Variants in HS2ST1 observed in about 807,000 individuals in gnomAD.
The protein encoded by HS2ST1 is 2-O-sulfotransferase.
In HS2ST1, 18 loss-of-function variants were observed where a neutral mutation model predicts 42.9. The observed-to-expected ratio is 0.42, with a 90% CI of 0.29 to 0.62. The LOEUF is 0.62. Among genes scored for constraint, HS2ST1 ranks in the 20% least tolerant of loss-of-function variants. HS2ST1 has a pLI of 0.21. For synonymous variants in HS2ST1, 146 were observed against 152.9 expected (o/e 0.95, Z 0.33); for missense variants, 334 against 433.8 (o/e 0.77, Z 2.04).
At chr1:87,013,544 A>C (rs969510875) in intron 1 of HS2ST1, among the ~76,000 whole-genome samples, 3 of 152,214 alleles carry the variant, frequency 2.0e-5, no homozygotes, top group Non-Finnish European at 4.4e-5. Context: ...CCATGAAGAC[A>C]TGTCATGCCC....
At chr1:87,101,455 C>G (rs915532204) in intron 5 of HS2ST1, among the ~76,000 whole-genome samples, 1 of 151,936 alleles carries the variant, frequency 6.6e-6, no homozygotes, top group African/African-American at 2.4e-5. Flanking sequence ...TGTGAGCCAC[C>G]GCACCCGACC....
At chr1:87,004,482 C>G (rs999376556) in intron 1 of HS2ST1, among the ~76,000 whole-genome samples, 2 of 151,916 alleles carry the variant, frequency 1.3e-5, no homozygotes, top group Admixed American at 6.6e-5. Context: ...TTTTCCTTAC[C>G]CTTTTGACAT....
At chr1:87,048,998 AT>A (rs1173778513) in intron 1 of HS2ST1, among the ~76,000 whole-genome samples, 1 of 151,346 alleles carries the variant, frequency 6.6e-6, no homozygotes, top group East Asian at 1.9e-4. Flanking sequence ...TGGTATTGGT[AT>A]TTTTTTTGTT....
At chr1:87,054,213 A>G (rs1650903619) in intron 1 of HS2ST1, among the ~76,000 whole-genome samples, 1 of 152,184 alleles carries the variant, frequency 6.6e-6, no homozygotes, top group African/African-American at 2.4e-5. Context: ...TATTTTGGCC[A>G]TTACCCTAGA....
chr1:87,002,640 A>T (rs1219246949), intron 1 of HS2ST1, among the ~76,000 whole-genome samples: 1 of 151,606 alleles, frequency 6.6e-6, no homozygotes, highest in Non-Finnish European at 1.5e-5. Context: ...GAAAAAAAAG[A>T]GTTAAACCTC....
intron 1 of HS2ST1, among the ~76,000 whole-genome samples, chr1:86,993,868 G>A (rs1649025243): frequency 6.6e-6 from 1 of 152,086 alleles, no homozygotes; most frequent in Admixed American, 6.6e-5. Context: ...AAAAGGTGGG[G>A]TAATATGGGA....
chr1:87,039,026 A>G (rs75058419), intron 1 of HS2ST1, among the ~76,000 whole-genome samples: 4,577 of 152,324 alleles, frequency 0.03, 96 homozygotes, highest in Middle Eastern at 0.075. Flanking sequence ...AGTAAAAACA[A>G]TCATGAGCCA....
chr1:86,974,983 G>A (rs981631608), intron 1 of HS2ST1, among the ~76,000 whole-genome samples: 4 of 152,178 alleles, frequency 2.6e-5, no homozygotes, highest in Non-Finnish European at 1.5e-5. Context: ...AACTTCTTGG[G>A]ACTCCTTTGA....
intron 1 of HS2ST1, among the ~76,000 whole-genome samples, chr1:87,017,444 T>G (rs960227893): frequency 6.6e-6 from 1 of 152,178 alleles, no homozygotes; most frequent in Admixed American, 6.5e-5. Context: ...GCCTCTCTCT[T>G]TTTAAAATTA....
intron 1 of HS2ST1, among the ~76,000 whole-genome samples, chr1:86,966,954 C>G (rs1415263334): frequency 1.3e-5 from 2 of 150,618 alleles, no homozygotes; most frequent in African/African-American, 4.9e-5. Context: ...TGCAATGGTG[C>G]GATCTCAGCT....
chr1:87,053,613 C>T (rs1448649566), intron 1 of HS2ST1, among the ~76,000 whole-genome samples: 1 of 152,130 alleles, frequency 6.6e-6, no homozygotes, highest in Non-Finnish European at 1.5e-5. Context: ...TAAGGTCCAG[C>T]TGCGTGCTTT....
Position 86,977,625 on chromosome 1 carries a change from C to T in HS2ST1, c.124+62465C>T, listed in dbSNP as rs75523394. 1.4e-3 allele frequency among the ~76,000 whole-genome samples: 220 copies of T among 152,284 alleles called. 1 individual carries two copies. The highest frequency in any genetic ancestry group is 5.0e-3 in the African/African-American group (209 of 41,560). ...CTTGTACTTAAAAGGAAGATACTCA[C>T]TTAATACCTAAGCAGCTTTTCAAAT... On this transcript the variant is annotated intron_variant, in intron 1 of 6. Coordinates refer to ENST00000370550, the MANE Select transcript of HS2ST1 (RefSeq NM_012262.4).
At chr1:87,043,784 TAAATATATACAGGAAGCTATG>T (rs1650575151) in intron 1 of HS2ST1, among the ~76,000 whole-genome samples, 1 of 152,120 alleles carries the variant, frequency 6.6e-6, no homozygotes, top group South Asian at 2.1e-4. Context: ...TATTTATCAA[TAAATATATACAGGAAGCTATG>T]AAATATATGT....
intron 1 of HS2ST1, chr1:86,992,906 A>C: frequency 1.7e-6 from 1 of 573,066 alleles, no homozygotes; most frequent in South Asian, 3.2e-5. Flanking sequence ...GAATTTAATA[A>C]GATAAAAAGT....
At chr1:86,927,207 T>C (rs1328940463) in intron 1 of HS2ST1, among the ~76,000 whole-genome samples, 6 of 152,204 alleles carry the variant, frequency 3.9e-5, no homozygotes, top group Non-Finnish European at 8.8e-5. Context: ...GGGATGGTAG[T>C]GCTAATAGTA....
chr1:86,930,192 G>A (rs1257595830), intron 1 of HS2ST1, among the ~76,000 whole-genome samples: 1 of 151,732 alleles, frequency 6.6e-6, no homozygotes, highest in Non-Finnish European at 1.5e-5. Flanking sequence ...TAGCTGTTGT[G>A]TACAATTTGA....
At chr1:87,086,802 A>AT (rs535511920) in intron 3 of HS2ST1, among the ~76,000 whole-genome samples, 4 of 151,204 alleles carry the variant, frequency 2.6e-5, no homozygotes, top group Admixed American at 6.6e-5. Context: ...TTATTCTTTG[A>AT]TTTTTTTAAA....
chr1:86,968,214 TA>T (rs1648117785), intron 1 of HS2ST1, among the ~76,000 whole-genome samples: 1 of 152,198 alleles, frequency 6.6e-6, no homozygotes, highest in Non-Finnish European at 1.5e-5. Context: ...AGTTGGCAAT[TA>T]TTTTCTCCCA....
At chr1:86,986,443 C>T (rs1648788581) in intron 1 of HS2ST1, among the ~76,000 whole-genome samples, 1 of 152,130 alleles carries the variant, frequency 6.6e-6, no homozygotes. Context: ...TAATCCGCCT[C>T]CCTGCAAGAT....
Sources: gnomAD v4.1 joint callset for allele counts (sites outside exome capture counted in the v4.1 genomes callset) on GRCh38, gnomAD v4.1.1 for gene constraint, MANE v1.5 for transcripts, NCBI Gene and HGNC (gene_info 2026-07-23, HGNC 2026-07-21) for gene names.